Variants in GAS2L3 observed in about 807,000 individuals in gnomAD.
The protein encoded by GAS2L3 is GAS2-like protein 3.
Under a neutral mutation model 37.0 loss-of-function variants are expected in GAS2L3, and 28 were observed. That is an observed-to-expected ratio of 0.76 (90% confidence interval 0.56 to 1.04). The LOEUF is 1.04. Among genes scored for constraint, GAS2L3 ranks in the 50% least tolerant of loss-of-function variants. The probability of loss-of-function intolerance (pLI) is 0.00; values close to 1 mark genes in which losing one functional copy is unlikely to be tolerated. For synonymous variants in GAS2L3, 290 were observed against 296.6 expected (o/e 0.98, Z 0.23); for missense variants, 793 against 817.6 (o/e 0.97, Z 0.37).
At chr12:100,589,601 A>G (rs1955821644) in intron 1 of GAS2L3, among the ~76,000 whole-genome samples, 1 of 152,186 alleles carries the variant, frequency 6.6e-6, no homozygotes, top group African/African-American at 2.4e-5. Flanking sequence ...ACCAAAAAAG[A>G]GCCCACATAG....
At chr12:100,609,746 T>G (rs1956103575) in intron 5 of GAS2L3, among the ~76,000 whole-genome samples, 1 of 152,228 alleles carries the variant, frequency 6.6e-6, no homozygotes, top group African/African-American at 2.4e-5. Context: ...GTGAGTCCCC[T>G]CTAGCTGGGG....
chr12:100,580,343 G>A (rs1221702457), intron 1 of GAS2L3: 2 of 273,288 alleles, frequency 7.3e-6, no homozygotes, highest in African/African-American at 4.4e-5. Context: ...ATCATTCAAT[G>A]TTTTCTTTTG....
chr12:100,588,204 A>G (rs9737924), intron 1 of GAS2L3, among the ~76,000 whole-genome samples: 84,846 of 151,866 alleles, frequency 0.56, 24,746 homozygotes, highest in East Asian at 0.72. Flanking sequence ...GGGGGAACCC[A>G]CCCCCAATAT....
rs1337228445 is a variant in GAS2L3 at position 100,624,958 on chromosome 12, C to A, written c.*68C>A. 23 of 1,252,518 alleles carry A rather than the reference C, an allele frequency of 1.8e-5. No individual in the cohort carries two copies. Among genetic ancestry groups the A allele is most frequent in the Non-Finnish European group, 2.4e-5 (22 of 898,900 alleles). 77.6% of individuals were successfully genotyped at this position (1,252,518 alleles called of 1,614,324 possible). ...TGTTAGCTTCACATCTTAAAAGTTT[C>A]TCCTATTTGTGTCTGTCTAAATAGG... On this transcript the variant is annotated 3_prime_UTR_variant, in exon 10 of 10. Transcript: ENST00000547754.
At chr12:100,604,227 C>G (rs1683689225) in intron 5 of GAS2L3, among the ~76,000 whole-genome samples, 1 of 151,926 alleles carries the variant, frequency 6.6e-6, no homozygotes, top group Admixed American at 6.6e-5. Flanking sequence ...TCTTCCAATC[C>G]ATGCACATGG....
intron 1 of GAS2L3, among the ~76,000 whole-genome samples, chr12:100,584,400 T>G (rs1310842788): frequency 6.6e-6 from 1 of 152,220 alleles, no homozygotes; most frequent in East Asian, 1.9e-4. Context: ...TGTTGGATTT[T>G]CACAGGTCTT....
chr12:100,576,509 C>T (rs1593154375), intron 1 of GAS2L3, among the ~76,000 whole-genome samples: 1 of 152,046 alleles, frequency 6.6e-6, no homozygotes, highest in Admixed American at 6.6e-5. Context: ...TTAGATATAC[C>T]TTTACAGATC....
At chr12:100,593,834 A>G (rs1482196615) in intron 2 of GAS2L3, 1 of 152,072 alleles carries the variant, frequency 6.6e-6, no homozygotes. Flanking sequence ...GGTGGAGAGA[A>G]GGGAAAATGA....
rs1956326866 is a variant in GAS2L3 at position 100,625,837 on chromosome 12, G to A, written c.*947G>A. ...TAAAATAATTTTAGAGTTATGCTAT[G>A]TAAAAATTCTATCATGAAATTATTT... is the stretch of plus-strand genomic sequence containing the variant. On this transcript the variant is annotated 3_prime_UTR_variant, in exon 10 of 10. Coordinates refer to ENST00000547754, the MANE Select transcript of GAS2L3 (RefSeq NM_174942.3). The A allele has an allele frequency of 6.6e-6, 1 of 152,128 alleles. No homozygotes were observed. Among genetic ancestry groups the A allele is most frequent in the Admixed American group, 6.5e-5 (1 of 15,270 alleles). 9.4% of individuals were successfully genotyped at this position (152,128 alleles called of 1,614,324 possible). A position where few individuals can be genotyped will look rare whatever the true frequency, so the allele number is the denominator to read the frequency against.
At chr12:100,578,934 G>T in intron 1 of GAS2L3, 2 of 915,526 alleles carry the variant, frequency 2.2e-6, no homozygotes, top group Non-Finnish European at 3.6e-6. Context: ...ATTGGAAGAG[G>T]GGATAAGGTT....
rs576214039 is a variant in GAS2L3, at chr12:100,579,041, C to G, written c.-152+5256C>G. On this transcript the variant is annotated intron_variant, in intron 1 of 9. Transcript: ENST00000547754. ...CTTGCCTCTGAAAGTCATGTATAAC[C>G]AGTCTATGGCCATGACCCTCTTTCA... 3 of 762,310 alleles carry G rather than the reference C, an allele frequency of 3.9e-6. No homozygotes were observed. In the African/African-American group the frequency reaches 5.1e-5, roughly 13 times the overall value. 47.2% of individuals were successfully genotyped at this position (762,310 alleles called of 1,614,324 possible).
intron 9 of GAS2L3, 64 bp from the exon 10 acceptor site, chr12:100,623,498 A>G (rs1956284644): frequency 1.4e-6 from 2 of 1,429,938 alleles, no homozygotes; most frequent in Admixed American, 4.5e-5. Context: ...TGTAACTGCT[A>G]ATGAATTGTA....
intron 9 of GAS2L3, 105 bp from the exon 10 acceptor site, chr12:100,623,457 C>G: frequency 9.8e-7 from 1 of 1,020,796 alleles, no homozygotes; most frequent in Non-Finnish European, 1.4e-6. Context: ...GGCAAATGCT[C>G]TGAATTTTAT....
intron 1 of GAS2L3, among the ~76,000 whole-genome samples, chr12:100,582,919 G>T (rs1371707844): frequency 1.3e-5 from 2 of 152,174 alleles, no homozygotes; most frequent in Non-Finnish European, 2.9e-5. Flanking sequence ...ACAGCCTGCA[G>T]TGTAGCACCT....
intron 1 of GAS2L3, among the ~76,000 whole-genome samples, chr12:100,587,699 A>G (rs565654391): frequency 2.0e-5 from 3 of 152,262 alleles, no homozygotes; most frequent in Non-Finnish European, 2.9e-5. Flanking sequence ...CACTCTGACC[A>G]CTCCTCTTCA....
intron 5 of GAS2L3, among the ~76,000 whole-genome samples, chr12:100,610,146 C>T (rs1009508921): frequency 6.6e-6 from 1 of 152,160 alleles, no homozygotes; most frequent in African/African-American, 2.4e-5. Flanking sequence ...TCTTTTGATA[C>T]ATAGTTCTAC....
Position 100,623,937 on chromosome 12 carries a change from G to A in GAS2L3, c.1132G>A (p.Ala378Thr). 1 of 1,614,022 alleles carries A rather than the reference G, an allele frequency of 6.2e-7. No individual in the cohort carries two copies. The highest frequency in any genetic ancestry group is 2.2e-5 in the East Asian group (1 of 44,862). The change falls in exon 10 of 10, where the codon GCA (alanine) becomes ACA (threonine). Residue 378 changes from alanine to threonine, a missense_variant. Physicochemically the swap from Ala to Thr is moderately conservative, Grantham distance 58. Transcript: ENST00000547754. ...SVRSKLPNSP[A>T]ASSHPKLKSS... is the part of the protein sequence containing the mutation. The stretch of plus-strand genomic sequence containing the variant: ...CCGTTCTAAATTGCCAAATTCTCCA[G>A]CAGCATCTTCTCATCCCAAGCTCAA...
intron 1 of GAS2L3, among the ~76,000 whole-genome samples, chr12:100,581,341 G>GCCCA (rs1319693873): frequency 3.3e-5 from 5 of 152,128 alleles, no homozygotes; most frequent in Admixed American, 6.6e-5. Flanking sequence ...AATTGTTGTT[G>GCCCA]CCCAGAGCCA....
chr12:100,587,515 A>G (rs1565798902), intron 1 of GAS2L3, among the ~76,000 whole-genome samples: 1 of 152,354 alleles, frequency 6.6e-6, no homozygotes, highest in Non-Finnish European at 1.5e-5. Context: ...GAGAAAAAGC[A>G]TTAGGCAAAA....
Sources: gnomAD v4.1 joint callset for allele counts (sites outside exome capture counted in the v4.1 genomes callset) on GRCh38, gnomAD v4.1.1 for gene constraint, MANE v1.5 for transcripts, NCBI Gene and HGNC (gene_info 2026-07-23, HGNC 2026-07-21) for gene names.